Variants in ANP32E observed in about 807,000 individuals in gnomAD.
The protein encoded by ANP32E is acidic nuclear phosphoprotein 32 family member E.
A neutral mutation model predicts 35.3 loss-of-function variants in ANP32E; 14 were observed. The ratio of observed to expected loss-of-function variants is 0.40; its 90% CI spans 0.26 to 0.62. The LOEUF (loss-of-function observed/expected upper bound fraction) is 0.62. Ranked by LOEUF, ANP32E falls within the 20% of genes least tolerant of loss-of-function variation. The pLI, the probability that ANP32E is intolerant of heterozygous loss-of-function variation, is 0.45. For missense variants in ANP32E, 198 were observed against 304.4 expected (o/e 0.65, Z 2.60); for synonymous variants, 89 against 110.4 (o/e 0.81, Z 1.22).
intron 4 of ANP32E, among the ~76,000 whole-genome samples, chr1:150,228,221 T>C (rs1401801110): frequency 4.6e-5 from 7 of 151,948 alleles, no homozygotes; most frequent in African/African-American, 1.7e-4. Flanking sequence ...CAATTCTGCC[T>C]CGGCTTCCCA....
chr1:150,223,091 C>A, intron 6 of ANP32E, 95 bp downstream of exon 6: 2 of 1,358,866 alleles, frequency 1.5e-6, no homozygotes, highest in Non-Finnish European at 2.0e-6. Context: ...GCATTATAGG[C>A]TCATTCTTTA....
At position 150,219,889 on chromosome 1, in the gene ANP32E, G is replaced by A. The variant is rs1553837020; in HGVS notation, c.*802C>T. On this transcript the variant is annotated 3_prime_UTR_variant, in exon 7 of 7. Coordinates refer to ENST00000583931, the MANE Select transcript of ANP32E (RefSeq NM_030920.5). The stretch of plus-strand genomic sequence containing the variant: ...GTTCCTTTTGAGAGAGCGGGAGGGA[G>A]TGAAACAAGAAGGGAAGGTGATCAT... The A allele has an allele frequency of 6.6e-6, 1 of 152,132 alleles. No homozygotes were observed. The highest frequency in any genetic ancestry group is 1.5e-5 in the Non-Finnish European group (1 of 68,012). The allele number at this position is 152,132 out of a possible 1,614,324, so 9.4% of individuals were successfully genotyped here.
chr1:150,235,937 G>T lies in ANP32E; in HGVS notation c.-151C>A. On this transcript the variant is annotated 5_prime_UTR_variant, in exon 1 of 7. Transcript: ENST00000583931. The surrounding 1 kb of genome is among the most constrained non-coding windows in gnomAD (Gnocchi z 4.2). ...ACCACCACCAGATAGGTGTGGGGGAGAAAGAAGAGAATAGCAAATGGAGTC... is the reference window on the plus strand; with the variant it reads ...ACCACCACCAGATAGGTGTGGGGGATAAAGAAGAGAATAGCAAATGGAGTC... The T allele has an allele frequency of 1.6e-6, 1 of 623,148 alleles. No individual in the cohort carries two copies. The highest frequency in any genetic ancestry group is 2.8e-5 in the Admixed American group (1 of 35,384). The allele number at this position is 623,148 out of a possible 1,614,324, so 38.6% of individuals were successfully genotyped here.
At chr1:150,223,729 T>TTC (rs1648633308) in intron 5 of ANP32E, among the ~76,000 whole-genome samples, 4 of 144,030 alleles carry the variant, frequency 2.8e-5, no homozygotes, top group South Asian at 4.5e-4. Flanking sequence ...GTCTTTTTTT[T>TTC]CTCTTTCCTT....
intron 3 of ANP32E, among the ~76,000 whole-genome samples, 184 bp downstream of exon 3, chr1:150,230,387 C>G (rs1553841379): frequency 1.3e-5 from 2 of 152,072 alleles, no homozygotes; most frequent in African/African-American, 2.4e-5. Context: ...AAATAAATTT[C>G]TCATTGATTT....
At chr1:150,234,720 G>A (rs1020407109) in intron 1 of ANP32E, 4 of 972,372 alleles carry the variant, frequency 4.1e-6, no homozygotes, top group Non-Finnish European at 4.9e-6. Context: ...AGGAAAAAAC[G>A]GGTCGCCTCC....
At chr1:150,221,596 G>GGAAGGAAGGAA (rs1648404897) in intron 6 of ANP32E, among the ~76,000 whole-genome samples, 2 of 4,304 alleles carry the variant, frequency 4.6e-4, no homozygotes, top group African/African-American at 8.7e-4. Flanking sequence ...GAGGGAGGGA[G>GGAAGGAAGGAA]GGAGGGAGGG....
chr1:150,232,032 G>A, intron 1 of ANP32E, 106 bp from the exon 2 acceptor site: 1 of 1,172,040 alleles, frequency 8.5e-7, no homozygotes, highest in South Asian at 1.4e-5. Context: ...CCAATCTCCA[G>A]TTTGATTGCC....
chr1:150,226,573 T>G, intron 5 of ANP32E, 35 bp downstream of exon 5: 4 of 1,604,284 alleles, frequency 2.5e-6, no homozygotes, highest in Non-Finnish European at 3.4e-6. Flanking sequence ...TGCCTAGAAA[T>G]TAATTTTCAG....
intron 1 of ANP32E, among the ~76,000 whole-genome samples, chr1:150,232,665 G>T (rs1649458218): frequency 1.3e-5 from 2 of 151,590 alleles, no homozygotes; most frequent in South Asian, 4.2e-4. Context: ...TAGAGACAGG[G>T]TTTTGCCATG....
At position 150,220,648 on chromosome 1, in the gene ANP32E, A is replaced by G. The variant is rs782703817; in HGVS notation, c.*43T>C. 220 of 1,559,408 alleles carry G rather than the reference A, an allele frequency of 1.4e-4. No individual in the cohort carries two copies. The highest frequency in any genetic ancestry group is 1.9e-4 in the Non-Finnish European group (213 of 1,130,680). ...GAAGAAACAAAGATGTGATCACTCT[A>G]TTGCACACCCAGAAACATTAGAGAA... On this transcript the variant is annotated 3_prime_UTR_variant, in exon 7 of 7. Transcript: ENST00000583931.
chr1:150,229,773 C>T (rs587728785), intron 3 of ANP32E, among the ~76,000 whole-genome samples: 1 of 152,266 alleles, frequency 6.6e-6, no homozygotes, highest in Admixed American at 6.5e-5. Flanking sequence ...CCACCGCGCC[C>T]GGCCTAATTT....
rs1648250451 is a variant in ANP32E at position 150,220,478 on chromosome 1, G to A, written c.*213C>T. Reference sequence around the variant, plus strand: ...ATAAATTGCTAGGGAATTCCACAATGGGAGTCAATGAAAATTTTTCTCTAC... The same window carrying A: ...ATAAATTGCTAGGGAATTCCACAATAGGAGTCAATGAAAATTTTTCTCTAC... On this transcript the variant is annotated 3_prime_UTR_variant, in exon 7 of 7. Transcript: ENST00000583931. 2.1e-6 allele frequency: 1 copy of A among 482,332 alleles called. No individual in the cohort carries two copies. The highest frequency in any genetic ancestry group is 2.0e-5 in the African/African-American group (1 of 50,870). The allele number at this position is 482,332 out of a possible 1,614,324, so 29.9% of individuals were successfully genotyped here.
At chr1:150,221,995 AG>A in intron 6 of ANP32E, among the ~76,000 whole-genome samples, 2 of 152,082 alleles carry the variant, frequency 1.3e-5, no homozygotes, top group Admixed American at 1.3e-4. Flanking sequence ...GAAGAGGCTG[AG>A]GTGGGAGGAT....
intron 2 of ANP32E, among the ~76,000 whole-genome samples, chr1:150,231,352 T>C (rs1649330826): frequency 6.6e-6 from 1 of 152,106 alleles, no homozygotes; most frequent in South Asian, 2.1e-4. Flanking sequence ...CCCAGCACTG[T>C]GGGAGGCCGA....
intron 6 of ANP32E, 105 bp downstream of exon 6, chr1:150,223,081 G>T: frequency 7.8e-7 from 1 of 1,289,088 alleles, no homozygotes; most frequent in Non-Finnish European, 1.0e-6. Flanking sequence ...GTAAAAATTG[G>T]CATTATAGGC....
In ANP32E at chr1:150,235,207, C is replaced by T. The variant is rs1447735159; in HGVS notation, c.54+526G>A. ...GTGGGCGCCGCCGGAGCAGACAGTGCGCGGACCCTGCAAGCGACCCCAGCC... is the reference window on the plus strand; with the variant it reads ...GTGGGCGCCGCCGGAGCAGACAGTGTGCGGACCCTGCAAGCGACCCCAGCC... On this transcript the variant is annotated intron_variant, in intron 1 of 6. Transcript: ENST00000583931. This position sits in a 1 kb window ranked among gnomAD's most constrained non-coding sequence, Gnocchi z 4.2. Among the ~76,000 whole-genome samples, 1 of 152,234 alleles carries T rather than the reference C, an allele frequency of 6.6e-6. No homozygotes were observed.
In ANP32E at chr1:150,235,748, G is replaced by A. The variant is rs899924321; in HGVS notation, c.39C>T (p.Asn13=). The A allele has an allele frequency of 1.9e-6, 3 of 1,612,264 alleles. No individual in the cohort carries two copies. The highest frequency in any genetic ancestry group is 1.1e-5 in the South Asian group (1 of 90,712). The part of the protein sequence containing the change: ...MKKKINLELR[N]RSPEEVTELV... Reference sequence around the variant, plus strand: ...GTCATCTCACCTCCTCCGGGGATCTGTTCCTTAACTCCAGGTTAATCTTCT... The same window carrying A: ...GTCATCTCACCTCCTCCGGGGATCTATTCCTTAACTCCAGGTTAATCTTCT... The change falls in exon 1 of 7, where the codon AAC becomes AAT. Residue 13 remains asparagine (N), a synonymous_variant. Transcript: ENST00000583931. The surrounding 1 kb of genome is among the most constrained non-coding windows in gnomAD (Gnocchi z 4.2).
At chr1:150,232,701 G>C (rs1040774878) in intron 1 of ANP32E, among the ~76,000 whole-genome samples, 10 of 151,952 alleles carry the variant, frequency 6.6e-5, no homozygotes, top group Admixed American at 2.6e-4. Context: ...TTGAACTCCT[G>C]ACCTCAGGTG....
Sources: gnomAD v4.1 joint callset for allele counts (sites outside exome capture counted in the v4.1 genomes callset) on GRCh38, gnomAD v4.1.1 for gene constraint, Gnocchi (gnomAD v3.1) non-coding constraint, MANE v1.5 for transcripts, NCBI Gene and HGNC (gene_info 2026-07-23, HGNC 2026-07-21) for gene names.